ZMAT1: variants seen among roughly 807,000 people sequenced by gnomAD.
The protein encoded by ZMAT1 is zinc finger matrin-type 1.
Under a neutral mutation model 18.5 loss-of-function variants are expected in ZMAT1, and 11 were observed. The observed-to-expected ratio is 0.59, with a 90% confidence interval of 0.37 to 0.98. ZMAT1 has a LOEUF of 0.98. ZMAT1 is among the 50% of genes least tolerant of loss of function. ZMAT1 has a pLI of 0.01. For missense variants in ZMAT1, 525 were observed against 496.2 expected, an observed-to-expected ratio of 1.06 and a Z score of -0.55; for synonymous variants, 211 against 176.4, an observed-to-expected ratio of 1.20 and a Z score of -1.55.
chrX:101,901,133 G>C (rs560337726), intron 2 of ZMAT1, among the ~76,000 whole-genome samples: 2 of 111,123 alleles, frequency 1.8e-5, no homozygotes, highest in South Asian at 7.6e-4. Flanking sequence ...GTATAGAAGA[G>C]CTACTGATTT....
Position 101,898,111 on chromosome X carries a change from T to C in ZMAT1, c.501+8A>G, listed in dbSNP as rs1927957037. ...GTTTGGATTACAATACCAACACACA[T>C]CACTCACCTGAAAATTCTCAACATG... On this transcript the variant is annotated splice_region_variant and intron_variant, in intron 3 of 5. Coordinates refer to ENST00000651725, the MANE Select transcript of ZMAT1 (RefSeq NM_001394560.1). 1 of 1,208,564 alleles carries C rather than the reference T, an allele frequency of 8.3e-7. No individual in the cohort carries two copies. Among genetic ancestry groups the C allele is most frequent in the East Asian group, 3.0e-5 (1 of 33,818 alleles).
In ZMAT1 at chrX:101,883,095, G is replaced by A. The variant is rs1358374245; in HGVS notation, c.*415C>T. On this transcript the variant is annotated 3_prime_UTR_variant, in exon 6 of 6. Coordinates refer to ENST00000651725, the MANE Select transcript of ZMAT1 (RefSeq NM_001394560.1). Reference sequence around the variant, plus strand: ...TCAAGTTTTTTTAAATAGCTTTCCTGAAGTGACACTGACTGTATCTACCTC... The same window carrying A: ...TCAAGTTTTTTTAAATAGCTTTCCTAAAGTGACACTGACTGTATCTACCTC... 1.8e-5 allele frequency: 2 copies of A among 114,267 alleles called. No homozygotes were observed. The highest frequency in any genetic ancestry group is 6.5e-5 in the African/African-American group (2 of 30,800). 9.4% of individuals were successfully genotyped at this position (114,267 alleles called of 1,213,427 possible).
rs1926622976 is a variant in ZMAT1 at position 101,883,353 on chromosome X, A to C, written c.*157T>G. ...TTTGGGCTTTTTTTTTCCTTCTTTT[A>C]ATTCAATTTAAATTTTTATACAAAA... On this transcript the variant is annotated 3_prime_UTR_variant, in exon 6 of 6. Coordinates refer to ENST00000651725, the MANE Select transcript of ZMAT1 (RefSeq NM_001394560.1). 2.9e-6 allele frequency: 1 copy of C among 350,102 alleles called. No homozygotes were observed. The allele number at this position is 350,102 out of a possible 1,213,427, so 28.9% of individuals were successfully genotyped here. A position where few individuals can be genotyped will look rare whatever the true frequency, so the allele number is the denominator to read the frequency against.
At chrX:101,907,368 G>C (rs1928685311) in intron 1 of ZMAT1, among the ~76,000 whole-genome samples, 1 of 112,438 alleles carries the variant, frequency 8.9e-6, no homozygotes, top group Non-Finnish European at 1.9e-5. Context: ...CCAGATACCA[G>C]GGCCAGCAAG....
intron 4 of ZMAT1, among the ~76,000 whole-genome samples, chrX:101,895,282 G>A (rs1331566883): frequency 9.0e-6 from 1 of 110,888 alleles, no homozygotes; most frequent in Non-Finnish European, 1.9e-5. Context: ...ATAACCACAT[G>A]ATATTAATTT....
At position 101,883,477 on chromosome X, in the gene ZMAT1, T is replaced by TC; in HGVS notation, c.*32dup. On this transcript the variant is annotated 3_prime_UTR_variant, in exon 6 of 6. Transcript: ENST00000651725. ...AATCCATATTGACTGTTTTTTTTTT[T>TC]CAATTCAACCTTGGGTAAACAAAAC... 9.1e-7 allele frequency: 1 copy of TC among 1,097,340 alleles called. No individual in the cohort carries two copies. Among genetic ancestry groups the TC allele is most frequent in the Non-Finnish European group, 1.2e-6 (1 of 827,430 alleles). 90.4% of individuals were successfully genotyped at this position (1,097,340 alleles called of 1,213,427 possible).
Position 101,882,455 on chromosome X carries a change from T to A in ZMAT1, c.*1055A>T, listed in dbSNP as rs1460813415. On this transcript the variant is annotated 3_prime_UTR_variant, in exon 6 of 6. Coordinates refer to ENST00000651725, the MANE Select transcript of ZMAT1 (RefSeq NM_001394560.1). ...TGCAAAAATACACTGCAAATTAGAT[T>A]TAACAAAGAAAAAATCAGTTTAAGT... 1 of 111,980 alleles carries A rather than the reference T, an allele frequency of 8.9e-6. No homozygotes were observed. The highest frequency in any genetic ancestry group is 1.9e-5 in the Non-Finnish European group (1 of 53,019). The allele number at this position is 111,980 out of a possible 1,213,427, so 9.2% of individuals were successfully genotyped here.
At chrX:101,914,674 A>G (rs1340043064) in intron 1 of ZMAT1, among the ~76,000 whole-genome samples, 2 of 111,469 alleles carry the variant, frequency 1.8e-5, no homozygotes, top group East Asian at 5.6e-4. Context: ...ATTCAGGCCA[A>G]TAACAAGTAA....
chrX:101,920,537 A>G (rs1929651309), intron 1 of ZMAT1, among the ~76,000 whole-genome samples: 1 of 112,169 alleles, frequency 8.9e-6, no homozygotes, highest in Admixed American at 9.5e-5. Flanking sequence ...ATTATAAAAG[A>G]TACTGGAGTG....
intron 1 of ZMAT1, among the ~76,000 whole-genome samples, chrX:101,912,772 T>C (rs1929050986): frequency 1.8e-5 from 2 of 112,023 alleles, no homozygotes; most frequent in Admixed American, 9.4e-5. Flanking sequence ...AGGTTTTTAG[T>C]TATCCCTGCA....
At chrX:101,895,700 G>T in intron 4 of ZMAT1, 2 of 157,478 alleles carry the variant, frequency 1.3e-5, no homozygotes, top group Non-Finnish European at 2.1e-5. Flanking sequence ...TAATGTTGTT[G>T]AGTCATTACT....
At chrX:101,899,600 T>C (rs1311153890) in intron 2 of ZMAT1, among the ~76,000 whole-genome samples, 1 of 112,169 alleles carries the variant, frequency 8.9e-6, no homozygotes, top group Non-Finnish European at 1.9e-5. Context: ...AATAATGGTC[T>C]CCAATCTCAT....
rs1569444114 is a variant in ZMAT1, at chrX:101,929,483, AGAGAGAGAGAC to A, written c.292+2223_292+2233del. Among the ~76,000 whole-genome samples the A allele has an allele frequency of 8.8e-5, 9 of 101,790 alleles. No homozygotes were observed. The East Asian group carries it at 1.5e-3, about 17-fold the overall frequency. The allele number at this position is 101,790 out of a possible 115,157, so 88.4% of individuals were successfully genotyped here. A position where few individuals can be genotyped will look rare whatever the true frequency, so the allele number is the denominator to read the frequency against. ...CACACAGAGAGAGAGAGAGAGAGAG[AGAGAGAGAGAC>A]ACACAAATATTTTGAGGCCTAATAG... On this transcript the variant is annotated intron_variant, in intron 1 of 5. Transcript: ENST00000651725.
At chrX:101,912,227 G>A (rs1929018069) in intron 1 of ZMAT1, among the ~76,000 whole-genome samples, 1 of 112,000 alleles carries the variant, frequency 8.9e-6, no homozygotes, top group Admixed American at 9.4e-5. Flanking sequence ...AGTTCACACT[G>A]ATGGGAAATG....
intron 1 of ZMAT1, among the ~76,000 whole-genome samples, chrX:101,907,041 G>C (rs1358491543): frequency 1.8e-5 from 2 of 111,765 alleles, no homozygotes; most frequent in Non-Finnish European, 3.8e-5. Flanking sequence ...CAGGAACCAG[G>C]CACCTCAGTG....
chrX:101,916,252 G>A (rs371606252), intron 1 of ZMAT1, among the ~76,000 whole-genome samples: 2 of 110,482 alleles, frequency 1.8e-5, no homozygotes, highest in Non-Finnish European at 3.8e-5. Flanking sequence ...GGGTGGGGGC[G>A]AAAGGAGGGA....
chrX:101,913,531 G>T (rs1763088220), intron 1 of ZMAT1, among the ~76,000 whole-genome samples: 1 of 111,613 alleles, frequency 9.0e-6, no homozygotes, highest in South Asian at 3.8e-4. Context: ...CAGAACAGGA[G>T]TCACTATACT....
chrX:101,888,966 G>GT (rs1313673391), intron 4 of ZMAT1: 2 of 110,999 alleles, frequency 1.8e-5, no homozygotes, highest in Non-Finnish European at 3.8e-5. Context: ...TTCCTGCTTT[G>GT]TTTCTCCACA....
chrX:101,885,053 C>T (rs966484743), intron 5 of ZMAT1, among the ~76,000 whole-genome samples: 37 of 110,763 alleles, frequency 3.3e-4, no homozygotes, highest in African/African-American at 1.0e-3. Flanking sequence ...ACTTTCTATG[C>T]CCCCCAAAAA....
Sources: allele counts gnomAD v4.1 joint callset (sites outside exome capture counted in the v4.1 genomes callset), GRCh38; gene constraint gnomAD v4.1.1; transcripts MANE v1.5; gene names NCBI Gene and HGNC (gene_info 2026-07-23, HGNC 2026-07-21).